HHEX: variants seen among roughly 807,000 people sequenced by gnomAD.
The protein encoded by HHEX is hematopoietically-expressed homeobox protein HHEX.
Under a neutral mutation model 27.0 loss-of-function variants are expected in HHEX, and 8 were observed. That is an observed-to-expected ratio of 0.30 (90% confidence interval 0.17 to 0.54). The LOEUF (loss-of-function observed/expected upper bound fraction) is 0.54. HHEX is among the 20% of genes least tolerant of loss of function. The pLI is 0.95. For missense variants in HHEX, 326 were observed against 357.2 expected (o/e 0.91, Z 0.70); for synonymous variants, 164 against 161.5 (o/e 1.02, Z -0.12).
At chr10:92,693,693 C>T (rs370594888) in intron 3 of HHEX, among the ~76,000 whole-genome samples, 14 of 147,676 alleles carry the variant, frequency 9.5e-5, no homozygotes, top group African/African-American at 2.5e-4. Flanking sequence ...AATTTCTGAC[C>T]GTGTGCATCT....
At chr10:92,692,887 G>T in intron 3 of HHEX, 135 bp downstream of exon 3, 2 of 730,386 alleles carry the variant, frequency 2.7e-6, no homozygotes, top group South Asian at 3.5e-5. Flanking sequence ...AAGACAAATA[G>T]TCCTGCTGAA....
At chr10:92,694,513 C>T (rs750405872) in intron 3 of HHEX, 34 bp from the exon 4 acceptor site, 5 of 1,485,314 alleles carry the variant, frequency 3.4e-6, no homozygotes, top group African/African-American at 1.4e-5. Flanking sequence ...ATTTTATGAT[C>T]CTTCCAATCT....
At chr10:92,694,034 G>C (rs879767468) in intron 3 of HHEX, among the ~76,000 whole-genome samples, 5 of 152,108 alleles carry the variant, frequency 3.3e-5, no homozygotes, top group Admixed American at 2.6e-4. Context: ...TACACATGTA[G>C]ATGTTTATAA....
Position 92,694,957 on chromosome 10 carries a change from CAAAT to C in HHEX, c.*191_*194del. 2 of 589,686 alleles carry C rather than the reference CAAAT, an allele frequency of 3.4e-6. No individual in the cohort carries two copies. The highest frequency in any genetic ancestry group is 6.0e-6 in the Non-Finnish European group (2 of 332,656). The allele number at this position is 589,686 out of a possible 1,614,324, so 36.5% of individuals were successfully genotyped here. On this transcript the variant is annotated 3_prime_UTR_variant, in exon 4 of 4. Coordinates refer to ENST00000282728, the MANE Select transcript of HHEX (RefSeq NM_002729.5). ...CATGGAGACCTTAATTTTGACTTAA[CAAAT>C]AGTTTATGTACTGCTCTTAGGTTGT...
rs1359740969 is a variant in HHEX, at chr10:92,695,612, T to C, written c.*844T>C. The C allele has an allele frequency of 6.6e-6, 1 of 152,212 alleles. No homozygotes were observed. The highest frequency in any genetic ancestry group is 1.5e-5 in the Non-Finnish European group (1 of 68,026). 9.4% of individuals were successfully genotyped at this position (152,212 alleles called of 1,614,324 possible). ...TTTTTTTTAATAAGTAACTTGACTA[T>C]AAAATAAAGCCGTCCGTGGGACGAC... On this transcript the variant is annotated 3_prime_UTR_variant, in exon 4 of 4. Transcript: ENST00000282728.
chr10:92,690,421 GC>G (rs1845341845), intron 1 of HHEX, 74 bp downstream of exon 1: 1 of 1,382,202 alleles, frequency 7.2e-7, no homozygotes, highest in Admixed American at 3.4e-5. Flanking sequence ...GGCCGAGGGG[GC>G]GAAGGGGGCA....
At chr10:92,690,992 G>A (rs111896676) in intron 1 of HHEX, among the ~76,000 whole-genome samples, 244 of 152,326 alleles carry the variant, frequency 1.6e-3, no homozygotes, top group Middle Eastern at 3.4e-3. Context: ...TGTGTGGGAT[G>A]TGACTTTATG....
Position 92,695,547 on chromosome 10 carries a change from A to G in HHEX, c.*779A>G, listed in dbSNP as rs921276504. The G allele has an allele frequency of 6.6e-6, 1 of 152,368 alleles. No individual in the cohort carries two copies. Among genetic ancestry groups the G allele is most frequent in the African/African-American group, 2.4e-5 (1 of 41,462 alleles). 9.4% of individuals were successfully genotyped at this position (152,368 alleles called of 1,614,324 possible). On this transcript the variant is annotated 3_prime_UTR_variant, in exon 4 of 4. Coordinates refer to ENST00000282728, the MANE Select transcript of HHEX (RefSeq NM_002729.5). ...ATCAAACAATGTTTATAATGTGTAT[A>G]TAGAATTGTTCACTGTAAAAAAAAT...
rs565614125 is a variant in HHEX, at chr10:92,692,176, G to C, written c.362-192G>C. The C allele has an allele frequency of 2.6e-5, 15 of 578,510 alleles. No individual in the cohort carries two copies. In the East Asian group the frequency reaches 4.0e-4, roughly 16 times the overall value. The allele number at this position is 578,510 out of a possible 1,614,324, so 35.8% of individuals were successfully genotyped here. On this transcript the variant is annotated intron_variant, in intron 1 of 3. Transcript: ENST00000282728. ...GTACAAGGCTGTGTGCATCTGCGGT[G>C]TCAGTGTGTGACTTTGGGTATGTTT...
chr10:92,693,499 C>T (rs969366010), intron 3 of HHEX, among the ~76,000 whole-genome samples: 8 of 152,024 alleles, frequency 5.3e-5, no homozygotes, highest in African/African-American at 9.7e-5. Context: ...ATTGTATATA[C>T]GGTTTATAAT....
At chr10:92,694,092 ACTTTATT>A (rs1293411576) in intron 3 of HHEX, among the ~76,000 whole-genome samples, 1 of 152,186 alleles carries the variant, frequency 6.6e-6, no homozygotes, top group Admixed American at 6.5e-5. Flanking sequence ...AATAATTGAA[ACTTTATT>A]CTTAATTCAC....
chr10:92,692,135 GTGTC>G (rs1276656091), intron 1 of HHEX: 3 of 453,254 alleles, frequency 6.6e-6, no homozygotes, highest in African/African-American at 2.0e-5. Flanking sequence ...TGACGGCTGT[GTGTC>G]TGTCTGTGTG....
chr10:92,693,745 A>T (rs895805383), intron 3 of HHEX, among the ~76,000 whole-genome samples: 1 of 152,192 alleles, frequency 6.6e-6, no homozygotes, highest in Non-Finnish European at 1.5e-5. Context: ...TAACAAATAG[A>T]TGTTGTAATA....
In HHEX at chr10:92,692,696, C is replaced by T. The variant is rs1193595809; in HGVS notation, c.541-6C>T. 1 of 1,613,642 alleles carries T rather than the reference C, an allele frequency of 6.2e-7. No homozygotes were observed. Among genetic ancestry groups the T allele is most frequent in the East Asian group, 2.2e-5 (1 of 44,856 alleles). On this transcript the variant is annotated splice_polypyrimidine_tract_variant and splice_region_variant and intron_variant, in intron 2 of 3. Transcript: ENST00000282728. ...GTTGCAAGTTTTCTTTCTCTCTTTCCTGTAGGTCAAAACCTGGTTTCAGAA... is the reference window on the plus strand; with the variant it reads ...GTTGCAAGTTTTCTTTCTCTCTTTCTTGTAGGTCAAAACCTGGTTTCAGAA...
At chr10:92,692,831 G>A (rs984775651) in intron 3 of HHEX, 79 bp downstream of exon 3, 3 of 1,190,446 alleles carry the variant, frequency 2.5e-6, no homozygotes, top group East Asian at 2.3e-5. Flanking sequence ...TGGGTTGTAT[G>A]CAAAAGTCAT....
rs775401503 is a variant in HHEX at position 92,695,523 on chromosome 10, TCAAA to T, written c.*759_*762del. The T allele has an allele frequency of 6.6e-6, 1 of 152,292 alleles. No homozygotes were observed. Among genetic ancestry groups the T allele is most frequent in the Non-Finnish European group, 1.5e-5 (1 of 68,022 alleles). The allele number at this position is 152,292 out of a possible 1,614,324, so 9.4% of individuals were successfully genotyped here. A position where few individuals can be genotyped will look rare whatever the true frequency, so the allele number is the denominator to read the frequency against. On this transcript the variant is annotated 3_prime_UTR_variant, in exon 4 of 4. Transcript: ENST00000282728. ...AGTAGATTGTAGATACTGTTTTATATCAAACAATGTTTATAATGTGTATATAGAA... is the reference window on the plus strand; with the variant it reads ...AGTAGATTGTAGATACTGTTTTATATCAATGTTTATAATGTGTATATAGAA...
chr10:92,692,404 C>T lies in HHEX; in HGVS notation c.398C>T (p.Pro133Leu). 3.7e-6 allele frequency: 6 copies of T among 1,614,016 alleles called. No individual in the cohort carries two copies. Among genetic ancestry groups the T allele is most frequent in the Non-Finnish European group, 5.1e-6 (6 of 1,180,008 alleles). The stretch of plus-strand genomic sequence containing the variant: ...CTCTGGAGCCCCTTCTTGCAGAGGC[C>T]TCTGCATAAAAGGAAAGGCGGCCAG... ...PLLWSPFLQRPLHKRKGGQVR... is the reference protein window; with the variant it reads ...PLLWSPFLQRLLHKRKGGQVR... The change falls in exon 2 of 4, where the codon CCT becomes CTT. Residue 133 changes from proline to leucine, a missense_variant. By Grantham distance (98) the Pro-to-Leu change is moderately conservative (BLOSUM62 -3). This residue lies in a region of HHEX where 215 missense variants were observed against 196.4 expected (regional missense o/e 1.09). Coordinates refer to ENST00000282728, the MANE Select transcript of HHEX (RefSeq NM_002729.5).
intron 3 of HHEX, among the ~76,000 whole-genome samples, chr10:92,693,204 G>A (rs1236296954): frequency 6.6e-6 from 1 of 152,116 alleles, no homozygotes; most frequent in East Asian, 1.9e-4. Flanking sequence ...TTTTTTAGAA[G>A]AATTAAATGT....
Position 92,694,680 on chromosome 10 carries a change from C to G in HHEX, c.725C>G (p.Ser242Cys). 1 of 1,614,118 alleles carries G rather than the reference C, an allele frequency of 6.2e-7. No homozygotes were observed. Among genetic ancestry groups the G allele is most frequent in the Non-Finnish European group, 8.5e-7 (1 of 1,179,980 alleles). Residue 242 changes from serine (S) to cysteine (C), a missense_variant, in exon 4 of 4, where the codon TCC (serine) becomes TGC (cysteine). Physicochemically the swap from Ser to Cys is moderately radical, Grantham distance 112. Around this residue, in one of 4 missense-constraint regions of HHEX, gnomAD observed 68 missense variants for 84.9 expected, o/e 0.80. Coordinates refer to ENST00000282728, the MANE Select transcript of HHEX (RefSeq NM_002729.5). Reference sequence around the variant, plus strand: ...TCTCAATGTTCGCCCTCCCCTGCCTCCCAGGAAGACCTTGAATCAGAGATT... The same window carrying G: ...TCTCAATGTTCGCCCTCCCCTGCCTGCCAGGAAGACCTTGAATCAGAGATT... ...DSSQCSPSPASQEDLESEISE... is the reference protein window; with the variant it reads ...DSSQCSPSPACQEDLESEISE...
Sources: allele counts gnomAD v4.1 joint callset (sites outside exome capture counted in the v4.1 genomes callset), GRCh38; gene constraint gnomAD v4.1.1; regional missense constraint gnomAD v4.1.1; transcripts MANE v1.5; gene names NCBI Gene and HGNC (gene_info 2026-07-23, HGNC 2026-07-21).